The following PCM1 variants were observed in gnomAD, a reference collection of about 807,000 sequenced individuals.
The protein encoded by PCM1 is pericentriolar material 1 protein.
Under a neutral mutation model 241.9 loss-of-function variants are expected in PCM1, and 157 were observed. The ratio of observed to expected loss-of-function variants is 0.65; its 90% CI spans 0.57 to 0.74. PCM1 has a LOEUF of 0.74. Ranked by LOEUF, PCM1 falls within the 30% of genes least tolerant of loss-of-function variation. PCM1 has a pLI of 0.00. For synonymous variants in PCM1, 1,085 were observed against 784.9 expected, an observed-to-expected ratio of 1.38 and a Z score of -6.39; for missense variants, 3,478 against 2,360.1, an observed-to-expected ratio of 1.47 and a Z score of -9.81.
rs568497136 is a variant in PCM1 at position 17,942,147 on chromosome 8, A to G, written c.783+2286A>G. On this transcript the variant is annotated intron_variant, in intron 6 of 38. Coordinates refer to ENST00000325083, the MANE Select transcript of PCM1 (RefSeq NM_006197.4). ...TATAACACGTTCTTAAACCTTGACC[A>G]TCAGTCAGTTGCCCTTTGTTTCTGA... is the stretch of plus-strand genomic sequence containing the variant. Among the ~76,000 whole-genome samples the G allele has an allele frequency of 3.3e-5, 5 of 152,266 alleles. No homozygotes were observed. The East Asian group carries it at 5.8e-4, about 18-fold the overall frequency.
chr8:17,953,104 G>C lies in PCM1; in HGVS notation c.1206G>C (p.Val402=), dbSNP rs1193217980. The C allele has an allele frequency of 6.3e-7, 1 of 1,599,964 alleles. No homozygotes were observed. Among genetic ancestry groups the C allele is most frequent in the South Asian group, 1.1e-5 (1 of 88,660 alleles). Residue 402 remains valine, a synonymous_variant, in exon 9 of 39, where the codon GTG becomes GTC. Transcript: ENST00000325083. ...EKVELFSKMR[V]LQEKKQKMDK... is the part of the protein sequence containing the mutation. ...TCGAACTTTTTAGCAAAATGAGAGT[G>C]CTACAGGAAAAGAAACAAAAAATGG...
chr8:17,974,905 T>G (rs1343446747), intron 23 of PCM1, among the ~76,000 whole-genome samples: 1 of 148,684 alleles, frequency 6.7e-6, no homozygotes, highest in Admixed American at 6.7e-5. Flanking sequence ...ATAAAAGGCT[T>G]GATAGCAGAA....
In PCM1 at chr8:17,985,574, A is replaced by C; in HGVS notation, c.4236A>C (p.Leu1412=). 1.2e-6 allele frequency: 2 copies of C among 1,607,624 alleles called. No individual in the cohort carries two copies. Among genetic ancestry groups the C allele is most frequent in the East Asian group, 2.2e-5 (1 of 44,698 alleles). ...FLIELFHELQ[L]LNTDYLRQRA... ...TTGAACTCTTCCATGAGCTGCAGCTACTAAACACAGACTACTTGAGACAGA... is the reference window on the plus strand; with the variant it reads ...TTGAACTCTTCCATGAGCTGCAGCTCCTAAACACAGACTACTTGAGACAGA... The change falls in exon 25 of 39, where the codon CTA becomes CTC. Residue 1412 remains leucine, a synonymous_variant. Coordinates refer to ENST00000325083, the MANE Select transcript of PCM1 (RefSeq NM_006197.4).
chr8:17,928,931 C>A (rs911001795), intron 2 of PCM1, among the ~76,000 whole-genome samples: 1 of 152,134 alleles, frequency 6.6e-6, no homozygotes, highest in Non-Finnish European at 1.5e-5. Context: ...CGCACCCGAC[C>A]AGTATCTCCC....
chr8:18,020,194 C>G (rs960099203), intron 36 of PCM1, among the ~76,000 whole-genome samples: 1 of 152,086 alleles, frequency 6.6e-6, no homozygotes, highest in Non-Finnish European at 1.5e-5. Flanking sequence ...CTTAGGAGTC[C>G]TTACTCAGAA....
chr8:18,008,217 C>A (rs1468672388), intron 30 of PCM1, among the ~76,000 whole-genome samples: 1 of 152,164 alleles, frequency 6.6e-6, no homozygotes, highest in Non-Finnish European at 1.5e-5. Flanking sequence ...GCTCCACCTC[C>A]TGTCAGATCA....
At chr8:17,940,961 A>T (rs567943902) in intron 6 of PCM1, among the ~76,000 whole-genome samples, 2 of 152,306 alleles carry the variant, frequency 1.3e-5, no homozygotes, top group African/African-American at 4.8e-5. Context: ...TCAAAATGCC[A>T]TTCAGCATTA....
At chr8:17,929,089 A>G (rs1474481163) in intron 2 of PCM1, among the ~76,000 whole-genome samples, 1 of 152,082 alleles carries the variant, frequency 6.6e-6, no homozygotes, top group East Asian at 1.9e-4. Context: ...CTTCCTTCCA[A>G]TAATACATTC....
rs2074105463 is a variant in PCM1 at position 17,964,660 on chromosome 8, A to T, written c.2747A>T (p.Asp916Val). ...CTTTCTGAAGGAATTGTTCGGACAG[A>T]TGAAGAGGAGGAAGAAGAGCAAGAT... Reference protein sequence around the residue: ...GYLSEGIVRTDEEEEEEQDAS... With the variant: ...GYLSEGIVRTVEEEEEEQDAS... Residue 916 changes from aspartate (D) to valine (V), a missense_variant, in exon 18 of 39, where the codon GAT (aspartate) becomes GTT (valine). Physicochemically the swap from Asp to Val is radical, Grantham distance 152. Coordinates refer to ENST00000325083, the MANE Select transcript of PCM1 (RefSeq NM_006197.4). 1 of 1,613,800 alleles carries T rather than the reference A, an allele frequency of 6.2e-7. No individual in the cohort carries two copies. Among genetic ancestry groups the T allele is most frequent in the Admixed American group, 1.7e-5 (1 of 59,996 alleles).
At chr8:17,925,698 G>T (rs1001957120) in intron 2 of PCM1, 1 of 152,258 alleles carries the variant, frequency 6.6e-6, no homozygotes, top group Admixed American at 6.5e-5. Flanking sequence ...TTAGCCAGGC[G>T]TGGTGGCGGG....
chr8:17,989,946 T>G lies in PCM1; in HGVS notation c.4498T>G (p.Ser1500Ala). ...ADNASVLSVS[S>A]NFEPFATDDL... ...TAATGCTAGTGTCCTGTCTGTATCA[T>G]CAAATTTTGAGCCTTTTGCAACAGA... Residue 1500 changes from serine (S) to alanine (A), a missense_variant, in exon 27 of 39, where the codon TCA becomes GCA. Ser to Ala is a moderately conservative substitution (Grantham distance 99, BLOSUM62 1). Transcript: ENST00000325083. 1.3e-6 allele frequency: 2 copies of G among 1,539,178 alleles called. No homozygotes were observed. The highest frequency in any genetic ancestry group is 1.8e-6 in the Non-Finnish European group (2 of 1,140,824).
chr8:17,969,163 C>G (rs914799323), intron 21 of PCM1, among the ~76,000 whole-genome samples: 5 of 152,176 alleles, frequency 3.3e-5, no homozygotes, highest in African/African-American at 4.8e-5. Flanking sequence ...GACCTGAGAT[C>G]TAATCATCTT....
In PCM1 at chr8:17,967,072, C is replaced by G. The variant is rs755393976; in HGVS notation, c.3314C>G (p.Pro1105Arg). 3 of 1,609,272 alleles carry G rather than the reference C, an allele frequency of 1.9e-6. No individual in the cohort carries two copies. The highest frequency in any genetic ancestry group is 1.7e-4 in the Middle Eastern group (1 of 6,058). The change falls in exon 21 of 39, where the codon CCT becomes CGT. Residue 1105 changes from proline to arginine, a missense_variant. Transcript: ENST00000325083. ...GAAAGAGGCAGTAGTGCATCGCACC[C>G]TCCTTCTCCCAGTTTATTTTGTCCT... is the stretch of plus-strand genomic sequence containing the variant. ...GKERGSSASH[P>R]PSPSLFCPFS...
chr8:17,944,965 A>T (rs2063311660), intron 6 of PCM1, among the ~76,000 whole-genome samples: 1 of 152,142 alleles, frequency 6.6e-6, no homozygotes, highest in Non-Finnish European at 1.5e-5. Context: ...TTTAGAAAGT[A>T]CGCTTTTTTC....
At chr8:17,988,585 G>A (rs1307411526) in intron 26 of PCM1, among the ~76,000 whole-genome samples, 1 of 151,778 alleles carries the variant, frequency 6.6e-6, no homozygotes, top group African/African-American at 2.4e-5. Context: ...CTTTTCAAAA[G>A]ATACTGTTAT....
rs752470606 is a variant in PCM1 at position 17,985,440 on chromosome 8, A to G, written c.4109-7A>G. ...ATATTAACTTTCTGGTCTTTTATGT[A>G]TTCCAGAAACTGGGAGTGATTTTTC... On this transcript the variant is annotated splice_polypyrimidine_tract_variant and splice_region_variant and intron_variant, in intron 24 of 38. Transcript: ENST00000325083. The G allele has an allele frequency of 1.7e-5, 26 of 1,544,824 alleles. No homozygotes were observed. The highest frequency in any genetic ancestry group is 7.2e-5 in the East Asian group (3 of 41,456).
At position 17,937,858 on chromosome 8, in the gene PCM1, T is replaced by C. The variant is rs1319289395; in HGVS notation, c.342+479T>C. Among the ~76,000 whole-genome samples, 4 of 152,168 alleles carry C rather than the reference T, an allele frequency of 2.6e-5. No individual in the cohort carries two copies. In the East Asian group the frequency reaches 7.7e-4, roughly 29 times the overall value. The stretch of plus-strand genomic sequence containing the variant: ...TTGAGAGATATTTTACTCTTAGATC[T>C]ATATGTCATAGAGACACACACATTT... On this transcript the variant is annotated intron_variant, in intron 4 of 38. Coordinates refer to ENST00000325083, the MANE Select transcript of PCM1 (RefSeq NM_006197.4).
At chr8:17,982,260 TC>T (rs1399489984) in intron 24 of PCM1, among the ~76,000 whole-genome samples, 3 of 152,150 alleles carry the variant, frequency 2.0e-5, no homozygotes, top group Non-Finnish European at 4.4e-5. Context: ...CCTTTTACTC[TC>T]TACCAAATAG....
intron 23 of PCM1, among the ~76,000 whole-genome samples, chr8:17,974,751 C>G (rs7007576): frequency 0.19 from 29,304 of 151,968 alleles, 3,174 homozygotes; most frequent in East Asian, 0.38. Context: ...TCTTTGTGCT[C>G]TTGTCCTTCA....
Sources: gnomAD v4.1 joint callset for allele counts (sites outside exome capture counted in the v4.1 genomes callset) on GRCh38, gnomAD v4.1.1 for gene constraint, MANE v1.5 for transcripts, NCBI Gene and HGNC (gene_info 2026-07-23, HGNC 2026-07-21) for gene names.